The following CA10 variants were observed in gnomAD, a reference collection of about 807,000 sequenced individuals.
The protein encoded by CA10 is carbonic anhydrase 10 (inactive).
A neutral mutation model predicts 44.2 loss-of-function variants in CA10; 14 were observed. The ratio of observed to expected loss-of-function variants is 0.32; its 90% CI spans 0.21 to 0.50. The LOEUF (loss-of-function observed/expected upper bound fraction) is 0.50. Among genes scored for constraint, CA10 ranks in the 20% least tolerant of loss-of-function variants. The pLI is 0.99. For synonymous variants in CA10, 159 were observed against 141.6 expected (o/e 1.12, Z -0.87); for missense variants, 350 against 409.7 (o/e 0.85, Z 1.26).
intron 1 of CA10, among the ~76,000 whole-genome samples, chr17:52,111,320 G>A (rs1213626986): frequency 6.6e-6 from 1 of 152,220 alleles, no homozygotes; most frequent in Non-Finnish European, 1.5e-5. Flanking sequence ...GATTATACTT[G>A]TAAGTGCATG....
At chr17:51,736,174 A>G (rs1423981359) in intron 4 of CA10, among the ~76,000 whole-genome samples, 1 of 152,208 alleles carries the variant, frequency 6.6e-6, no homozygotes, top group Non-Finnish European at 1.5e-5. Flanking sequence ...AGGTTGAATA[A>G]ATTGCCTAGG....
chr17:52,042,007 CT>C (rs1341612453), intron 2 of CA10, among the ~76,000 whole-genome samples: 3 of 152,066 alleles, frequency 2.0e-5, no homozygotes, highest in Non-Finnish European at 4.4e-5. Flanking sequence ...TCAATGGACA[CT>C]TAGATTGTTT....
chr17:51,633,573 G>A lies in CA10; in HGVS notation c.867C>T (p.Val289=), dbSNP rs1185664940. ...GGATGCAGCGGTTGTTGAGTGGCTG[G>A]ACAGGCCTGAAGTTGTCACTCATGC... is the stretch of plus-strand genomic sequence containing the variant. ...FLSMSDNFRP[V]QPLNNRCIRT... Residue 289 remains valine (V), a synonymous_variant, in exon 8 of 9, where the codon GTC becomes GTT. Transcript: ENST00000451037. 6.2e-7 allele frequency: 1 copy of A among 1,613,994 alleles called. No homozygotes were observed. The highest frequency in any genetic ancestry group is 1.1e-5 in the South Asian group (1 of 91,044).
intron 3 of CA10, among the ~76,000 whole-genome samples, chr17:51,923,079 A>G (rs1478130526): frequency 1.3e-5 from 2 of 152,204 alleles, no homozygotes; most frequent in Middle Eastern, 3.2e-3. Flanking sequence ...CATACATAAA[A>G]TTATACATAC....
intron 1 of CA10, among the ~76,000 whole-genome samples, chr17:52,089,186 C>T (rs969805537): frequency 1.3e-5 from 2 of 152,122 alleles, no homozygotes; most frequent in African/African-American, 4.8e-5. Context: ...AGGAAGATTA[C>T]AGAAGTGTGC....
rs72836032 is a variant in CA10, at chr17:52,083,062, G to A, written c.62-10669C>T. 3.8e-3 allele frequency among the ~76,000 whole-genome samples: 577 copies of A among 152,254 alleles called. 2 individuals carry two copies. Among genetic ancestry groups the A allele is most frequent in the Non-Finnish European group, 6.9e-3 (468 of 68,024 alleles). ...TCATAGCAATAAGGAAAATGTGTATGTGCTATATTCAGAATGCTAGGAGCA... is the reference window on the plus strand; with the variant it reads ...TCATAGCAATAAGGAAAATGTGTATATGCTATATTCAGAATGCTAGGAGCA... On this transcript the variant is annotated intron_variant, in intron 1 of 8. Transcript: ENST00000451037.
At chr17:51,792,633 C>A (rs983071411) in intron 3 of CA10, among the ~76,000 whole-genome samples, 2 of 152,124 alleles carry the variant, frequency 1.3e-5, no homozygotes, top group African/African-American at 2.4e-5. Context: ...CTATTAATTA[C>A]GCTTTCATAC....
intron 1 of CA10, among the ~76,000 whole-genome samples, chr17:52,146,409 G>C (rs1989584680): frequency 6.6e-6 from 1 of 152,114 alleles, no homozygotes; most frequent in Admixed American, 6.6e-5. Flanking sequence ...AATAAAAATA[G>C]GCCGGGCGCG....
At chr17:51,967,144 C>T (rs1330006831) in intron 2 of CA10, among the ~76,000 whole-genome samples, 1 of 151,556 alleles carries the variant, frequency 6.6e-6, no homozygotes, top group Non-Finnish European at 1.5e-5. Context: ...ACAGAGATAC[C>T]ATCTGATGTG....
chr17:51,930,194 C>T (rs567561657), intron 3 of CA10, among the ~76,000 whole-genome samples: 38 of 148,348 alleles, frequency 2.6e-4, no homozygotes, highest in African/African-American at 9.1e-4. Context: ...ATTTTAACCT[C>T]AATTTTTTGC....
At chr17:52,019,876 T>G (rs1010224702) in intron 2 of CA10, among the ~76,000 whole-genome samples, 1 of 151,982 alleles carries the variant, frequency 6.6e-6, no homozygotes, top group Admixed American at 6.6e-5. Context: ...TGTTATTTAC[T>G]TACAGTGTAA....
At chr17:51,818,330 A>G (rs1907645432) in intron 3 of CA10, among the ~76,000 whole-genome samples, 1 of 152,224 alleles carries the variant, frequency 6.6e-6, no homozygotes, top group Non-Finnish European at 1.5e-5. Flanking sequence ...TATTCACAAA[A>G]CTGACAGCTG....
intron 1 of CA10, among the ~76,000 whole-genome samples, chr17:52,151,265 C>T (rs1989696924): frequency 6.6e-6 from 1 of 152,032 alleles, no homozygotes; most frequent in Admixed American, 6.6e-5. Flanking sequence ...CTAACCTATC[C>T]ACTCCATATG....
chr17:51,955,699 C>T (rs1598138135), intron 2 of CA10, among the ~76,000 whole-genome samples: 1 of 152,042 alleles, frequency 6.6e-6, no homozygotes, highest in African/African-American at 2.4e-5. Context: ...TTGATTAGAC[C>T]TAAAGACAAA....
intron 2 of CA10, among the ~76,000 whole-genome samples, chr17:51,957,482 G>T (rs1252373384): frequency 6.6e-6 from 1 of 151,854 alleles, no homozygotes; most frequent in Non-Finnish European, 1.5e-5. Context: ...ACTAAGGAAG[G>T]CAGGAGATTG....
intron 1 of CA10, among the ~76,000 whole-genome samples, chr17:52,085,000 T>C (rs1470917606): frequency 6.6e-6 from 1 of 152,200 alleles, no homozygotes; most frequent in Non-Finnish European, 1.5e-5. Flanking sequence ...TGAACCATCA[T>C]GCAAATGCCT....
intron 1 of CA10, among the ~76,000 whole-genome samples, chr17:52,081,808 A>G (rs988712681): frequency 6.6e-6 from 1 of 151,138 alleles, no homozygotes; most frequent in Non-Finnish European, 1.5e-5. Context: ...TCAAAAAAAA[A>G]AAAAAAAAAA....
intron 3 of CA10, among the ~76,000 whole-genome samples, chr17:51,873,239 A>C (rs1401711101): frequency 6.6e-6 from 1 of 152,228 alleles, no homozygotes; most frequent in African/African-American, 2.4e-5. Context: ...TACAGAACAG[A>C]GTAAGTACCC....
intron 5 of CA10, among the ~76,000 whole-genome samples, chr17:51,653,013 A>T (rs200724366): frequency 7.2e-6 from 1 of 139,762 alleles, no homozygotes; most frequent in Non-Finnish European, 1.6e-5. Flanking sequence ...ATTTTTTTTT[A>T]AACAAATTAG....
Sources: allele counts gnomAD v4.1 joint callset (sites outside exome capture counted in the v4.1 genomes callset), GRCh38; gene constraint gnomAD v4.1.1; transcripts MANE v1.5; gene names NCBI Gene and HGNC (gene_info 2026-07-23, HGNC 2026-07-21).